Variants in RYR3 observed in about 807,000 individuals in gnomAD.
RYR3 encodes the protein ryanodine receptor 3, also known as brain ryanodine receptor-calcium release channel.
In RYR3, 207 loss-of-function variants were observed where a neutral mutation model predicts 584.3. That is an observed-to-expected ratio of 0.35 (90% CI 0.32 to 0.40). The LOEUF is 0.40. Ranked by LOEUF, RYR3 falls within the 10% of genes least tolerant of loss-of-function variation. RYR3 has a pLI of 1.00. For synonymous variants in RYR3, 2,416 were observed against 2,248.5 expected (o/e 1.07, Z -2.11); for missense variants, 5,616 against 6,089.2 (o/e 0.92, Z 2.59).
intron 1 of RYR3, among the ~76,000 whole-genome samples, chr15:33,326,125 T>TTACAAA (rs1969669988): frequency 6.6e-6 from 1 of 152,144 alleles, no homozygotes; most frequent in Non-Finnish European, 1.5e-5. Flanking sequence ...TACACGAGTC[T>TTACAAA]GTTGAGGTTC....
Position 33,854,871 on chromosome 15 carries a change from C to G in RYR3, c.13966C>G (p.Leu4656Val), listed in dbSNP as rs986961763. Residue 4656 changes from leucine (L) to valine (V), a missense_variant, in exon 98 of 104, where the codon CTG (leucine) becomes GTG (valine). Physicochemically the swap from Leu to Val is conservative, Grantham distance 32 (BLOSUM62 1). Around this residue, in one of 9 missense-constraint regions of RYR3, gnomAD observed 918 missense variants for 887.4 expected, o/e 1.03. Coordinates refer to ENST00000634891, the MANE Select transcript of RYR3 (RefSeq NM_001036.6). ...GGACATCGCAATGGGCTTCAAGACA[C>G]TGAGGACCATTCTGTCATCTGTAAC... The part of the protein sequence containing the change: ...LLDIAMGFKT[L>V]RTILSSVTHN... 4.3e-6 allele frequency: 7 copies of G among 1,613,376 alleles called. No homozygotes were observed. In the South Asian group the frequency reaches 5.5e-5, roughly 13 times the overall value.
chr15:33,327,041 T>C (rs1395579830), intron 1 of RYR3, among the ~76,000 whole-genome samples: 1 of 151,474 alleles, frequency 6.6e-6, no homozygotes, highest in South Asian at 2.1e-4. Flanking sequence ...AGAACTGGCA[T>C]TGCCCCTTGC....
intron 3 of RYR3, among the ~76,000 whole-genome samples, chr15:33,510,056 A>G (rs1216541583): frequency 6.6e-6 from 1 of 152,188 alleles, no homozygotes; most frequent in African/African-American, 2.4e-5. Context: ...CTCGCAAAAT[A>G]ACAAATCAAC....
intron 38 of RYR3, among the ~76,000 whole-genome samples, chr15:33,693,762 G>T (rs948151738): frequency 1.3e-5 from 2 of 152,322 alleles, no homozygotes; most frequent in East Asian, 3.9e-4. Context: ...TATGAAGAAT[G>T]ATAGCAAGAA....
chr15:33,692,598 T>A (rs2065514122), intron 38 of RYR3, among the ~76,000 whole-genome samples: 1 of 151,174 alleles, frequency 6.6e-6, no homozygotes, highest in Non-Finnish European at 1.5e-5. Context: ...TGCCTCCTTT[T>A]CTGGCAGGAC....
At chr15:33,684,920 C>T (rs2220901) in intron 38 of RYR3, among the ~76,000 whole-genome samples, 90,926 of 151,982 alleles carry the variant, frequency 0.6, 27,657 homozygotes, top group East Asian at 0.8. Context: ...CTGCCAGGCC[C>T]GCCTTACAAG....
At chr15:33,580,250 A>C in intron 13 of RYR3, 106 bp downstream of exon 13, 1 of 921,420 alleles carries the variant, frequency 1.1e-6, no homozygotes, top group South Asian at 1.8e-5. Context: ...TTTATGAGAG[A>C]GCCAGAGGAC....
chr15:33,649,069 C>T lies in RYR3; in HGVS notation c.3979-3C>T. ...TTGACTCCCCTCTGCGGTCTCTCCA[C>T]AGCAGTGCTACTACGCCATCCGCAT... On this transcript the variant is annotated splice_polypyrimidine_tract_variant and splice_region_variant and intron_variant, in intron 30 of 103. Transcript: ENST00000634891. The T allele has an allele frequency of 6.2e-7, 1 of 1,612,450 alleles. No homozygotes were observed. Among genetic ancestry groups the T allele is most frequent in the Non-Finnish European group, 8.5e-7 (1 of 1,179,452 alleles).
At position 33,311,239 on chromosome 15, in the gene RYR3, A is replaced by G. The variant is rs1039341571; in HGVS notation, c.51+143A>G. On this transcript the variant is annotated intron_variant, in intron 1 of 103. Coordinates refer to ENST00000634891, the MANE Select transcript of RYR3 (RefSeq NM_001036.6). This position sits in a 1 kb window ranked among gnomAD's most constrained non-coding sequence, Gnocchi z 4.4. ...CCGCACCCGCGGGCTGCAGAGGCGG[A>G]CCGGCCACCTACCCGCGGGGCCGCG... The G allele has an allele frequency of 9.4e-6, 5 of 531,356 alleles. No individual in the cohort carries two copies. Among genetic ancestry groups the G allele is most frequent in the Admixed American group, 4.5e-5 (1 of 22,154 alleles). 32.9% of individuals were successfully genotyped at this position (531,356 alleles called of 1,614,324 possible).
chr15:33,631,457 CTG>C (rs1422603644), intron 23 of RYR3, among the ~76,000 whole-genome samples, 164 bp downstream of exon 23: 2 of 152,160 alleles, frequency 1.3e-5, no homozygotes, highest in Non-Finnish European at 2.9e-5. Flanking sequence ...AGATAGAAGC[CTG>C]GTGAAGAAGT....
chr15:33,721,903 T>A lies in RYR3; in HGVS notation c.6620-812T>A, dbSNP rs149544578. Among the ~76,000 whole-genome samples the A allele has an allele frequency of 4.4e-4, 67 of 152,296 alleles. No homozygotes were observed. In the East Asian group the frequency reaches 0.013, roughly 29 times the overall value. On this transcript the variant is annotated intron_variant, in intron 43 of 103. Coordinates refer to ENST00000634891, the MANE Select transcript of RYR3 (RefSeq NM_001036.6). ...CTTTATCAGGAAATGAGACCCTATC[T>A]TCATTATCTATGGTTCATCCAAAAA...
chr15:33,606,716 G>C (rs766757597), intron 18 of RYR3, among the ~76,000 whole-genome samples: 2 of 152,088 alleles, frequency 1.3e-5, no homozygotes, highest in African/African-American at 2.4e-5. Flanking sequence ...AGACTCAATG[G>C]GGCTTTCAGG....
chr15:33,665,748 A>C lies in RYR3; in HGVS notation c.5619+2011A>C, dbSNP rs937934880. Among the ~76,000 whole-genome samples, 5 of 152,384 alleles carry C rather than the reference A, an allele frequency of 3.3e-5. 1 individual carries two copies. The highest frequency in any genetic ancestry group is 1.2e-4 in the African/African-American group (5 of 41,602). On this transcript the variant is annotated intron_variant, in intron 36 of 103. Transcript: ENST00000634891. ...CAAGAGTAGTTCCTGACAAAACAGCATACCTGTGCATTTGGCACAGTGCAA... is the reference window on the plus strand; with the variant it reads ...CAAGAGTAGTTCCTGACAAAACAGCCTACCTGTGCATTTGGCACAGTGCAA...
chr15:33,586,092 G>A lies in RYR3; in HGVS notation c.1764G>A (p.Leu588=), dbSNP rs761171982. Residue 588 remains leucine, a synonymous_variant, in exon 16 of 104, where the codon TTG becomes TTA. Transcript: ENST00000634891. ...EGHIKSIISL[L]DKHGRNHKVL... ...ACATCAAGTCGATCATCTCCCTGTTGGATAAGCACGGGCGGAATCACAAGG... is the reference window on the plus strand; with the variant it reads ...ACATCAAGTCGATCATCTCCCTGTTAGATAAGCACGGGCGGAATCACAAGG... 8 of 1,610,502 alleles carry A rather than the reference G, an allele frequency of 5.0e-6. No homozygotes were observed. Among genetic ancestry groups the A allele is most frequent in the South Asian group, 1.1e-5 (1 of 90,996 alleles).
chr15:33,662,852 G>A lies in RYR3; in HGVS notation c.5322G>A (p.Val1774=), dbSNP rs1222181234. 2 of 1,613,860 alleles carry A rather than the reference G, an allele frequency of 1.2e-6. No homozygotes were observed. Among genetic ancestry groups the A allele is most frequent in the Non-Finnish European group, 1.7e-6 (2 of 1,179,860 alleles). The change falls in exon 35 of 104, where the codon GTG becomes GTA. Residue 1774 remains valine (V), a synonymous_variant. Coordinates refer to ENST00000634891, the MANE Select transcript of RYR3 (RefSeq NM_001036.6). ...EGAEKEEVTQ[V]EEKAVEAGEK... is the part of the protein sequence containing the mutation. ...CAGAAAAGGAGGAAGTGACCCAGGT[G>A]GAGGAGAAGGCTGTGGAGGCTGGGG...
intron 1 of RYR3, among the ~76,000 whole-genome samples, chr15:33,463,107 T>C (rs1158179297): frequency 6.6e-6 from 1 of 151,810 alleles, no homozygotes. Context: ...GAGGCTTCAG[T>C]GAACTGTCAT....
At chr15:33,497,392 C>T (rs2051534500) in intron 2 of RYR3, among the ~76,000 whole-genome samples, 1 of 152,156 alleles carries the variant, frequency 6.6e-6, no homozygotes, top group African/African-American at 2.4e-5. Flanking sequence ...CCCACTCTTG[C>T]TCCATCATCT....
In RYR3 at chr15:33,762,472, CAGAG is replaced by C. The variant is rs536374301; in HGVS notation, c.8705+4879_8705+4882del. Reference sequence around the variant, plus strand: ...TCCTATACACCAATAATAAACAAAACAGAGAGCCAAATCATGAGTGAACTCCCAT... The same window carrying C: ...TCCTATACACCAATAATAAACAAAACAGCCAAATCATGAGTGAACTCCCAT... On this transcript the variant is annotated intron_variant, in intron 60 of 103. Transcript: ENST00000634891. 2.6e-4 allele frequency among the ~76,000 whole-genome samples: 39 copies of C among 152,268 alleles called. No homozygotes were observed. The South Asian group carries it at 7.0e-3, about 27-fold the overall frequency.
At position 33,660,282 on chromosome 15, in the gene RYR3, C is replaced by T. The variant is rs767492922; in HGVS notation, c.4481C>T (p.Thr1494Ile). ...TGTCCACCTCGGCTGGACGTCCAAA[C>T]CATCCAGCCCGTGCTCTGGAGCCGC... ...PQCPPRLDVQTIQPVLWSRMP... is the reference protein window; with the variant it reads ...PQCPPRLDVQIIQPVLWSRMP... Residue 1494 changes from threonine to isoleucine, a missense_variant, in exon 34 of 104, where the codon ACC becomes ATC. Physicochemically the swap from Thr to Ile is moderately conservative, Grantham distance 89. Coordinates refer to ENST00000634891, the MANE Select transcript of RYR3 (RefSeq NM_001036.6). 7.7e-6 allele frequency: 12 copies of T among 1,561,754 alleles called. No homozygotes were observed. Among genetic ancestry groups the T allele is most frequent in the Non-Finnish European group, 9.5e-6 (11 of 1,153,072 alleles).
Sources: allele counts gnomAD v4.1 joint callset (sites outside exome capture counted in the v4.1 genomes callset), GRCh38; gene constraint gnomAD v4.1.1; regional missense constraint gnomAD v4.1.1; non-coding constraint Gnocchi (gnomAD v3.1); transcripts MANE v1.5; gene names NCBI Gene and HGNC (gene_info 2026-07-23, HGNC 2026-07-21).